The following NEURL1 variants were observed in gnomAD, a reference collection of about 807,000 sequenced individuals.
NEURL1 encodes neuralized E3 ubiquitin protein ligase 1.
In NEURL1, 26 loss-of-function variants were observed where a neutral mutation model predicts 41.2. The ratio of observed to expected loss-of-function variants is 0.63; its 90% CI spans 0.46 to 0.87. The LOEUF is 0.87. Ranked by LOEUF, NEURL1 falls within the 40% of genes least tolerant of loss-of-function variation. NEURL1 has a pLI of 0.00. For missense variants in NEURL1, 761 were observed against 871.1 expected (o/e 0.87, Z 1.59); for synonymous variants, 400 against 402.3 (o/e 0.99, Z 0.07).
At chr10:103,531,567 T>C (rs962253478) in intron 1 of NEURL1, among the ~76,000 whole-genome samples, 2 of 152,030 alleles carry the variant, frequency 1.3e-5, no homozygotes, top group Non-Finnish European at 2.9e-5. Flanking sequence ...GGGTCTCACT[T>C]TATTGCCCAG....
chr10:103,494,318 A>G lies in NEURL1; in HGVS notation c.-70A>G. 3.7e-6 allele frequency: 5 copies of G among 1,366,128 alleles called. 1 individual carries two copies. In the South Asian group the frequency reaches 6.3e-5, roughly 17 times the overall value. The allele number at this position is 1,366,128 out of a possible 1,614,324, so 84.6% of individuals were successfully genotyped here. A position where few individuals can be genotyped will look rare whatever the true frequency, so the allele number is the denominator to read the frequency against. On this transcript the variant is annotated 5_prime_UTR_variant, in exon 1 of 6. Coordinates refer to ENST00000369780, the MANE Select transcript of NEURL1 (RefSeq NM_004210.5). The stretch of plus-strand genomic sequence containing the variant: ...CGCGCACCCGCGCGCGCACACTCGC[A>G]CACCGCACCTCAGCGCCTGCCCGGC...
intron 1 of NEURL1, among the ~76,000 whole-genome samples, chr10:103,495,749 A>C (rs777449800): frequency 6.6e-6 from 1 of 152,214 alleles, no homozygotes; most frequent in Non-Finnish European, 1.5e-5. Flanking sequence ...GCTCAGGAAA[A>C]TCAGTGGATT....
chr10:103,500,400 A>C (rs1013489000), intron 1 of NEURL1, among the ~76,000 whole-genome samples: 8 of 152,216 alleles, frequency 5.3e-5, no homozygotes, highest in Non-Finnish European at 1.2e-4. Flanking sequence ...ACACAGTTAG[A>C]AACTGATGGG....
chr10:103,584,584 C>T lies in NEURL1; in HGVS notation c.698C>T (p.Ala233Val), dbSNP rs1410385456. The change falls in exon 4 of 6, where the codon GCC becomes GTC. Residue 233 changes from alanine (A) to valine (V), a missense_variant. Around this residue, in one of 5 missense-constraint regions of NEURL1, gnomAD observed 114 missense variants for 144.8 expected, o/e 0.79. Coordinates refer to ENST00000369780, the MANE Select transcript of NEURL1 (RefSeq NM_004210.5). The part of the protein sequence containing the change: ...PDCLRPRSFT[A>V]LRRPSLRREA... ...TGTCTGCGGCCGCGCTCCTTCACCG[C>T]CCTGCGGCGGCCGTCGCTGCGGCGC... 2 of 1,417,218 alleles carry T rather than the reference C, an allele frequency of 1.4e-6. No homozygotes were observed. Among genetic ancestry groups the T allele is most frequent in the African/African-American group, 3.0e-5 (2 of 66,326 alleles). 87.8% of individuals were successfully genotyped at this position (1,417,218 alleles called of 1,614,324 possible). A position where few individuals can be genotyped will look rare whatever the true frequency, so the allele number is the denominator to read the frequency against.
At chr10:103,504,582 A>G (rs912536928) in intron 1 of NEURL1, among the ~76,000 whole-genome samples, 1 of 152,162 alleles carries the variant, frequency 6.6e-6, no homozygotes, top group Non-Finnish European at 1.5e-5. Context: ...AGTGCTTGTC[A>G]GGTCTCTCCA....
intron 1 of NEURL1, among the ~76,000 whole-genome samples, chr10:103,504,606 G>C (rs1436097684): frequency 2.6e-5 from 4 of 152,178 alleles, no homozygotes; most frequent in Non-Finnish European, 4.4e-5. Context: ...TGCAGTTAAA[G>C]TTACACTTTC....
Position 103,590,766 on chromosome 10 carries a change from G to A in NEURL1, c.*394G>A. On this transcript the variant is annotated 3_prime_UTR_variant, in exon 6 of 6. Transcript: ENST00000369780. ...AATTAGAAAACATGTACCTTCCTCT[G>A]GGCAGCTGCAGCCCTGAGCCAGGAC... is the stretch of plus-strand genomic sequence containing the variant. 3.9e-6 allele frequency: 1 copy of A among 255,622 alleles called. No individual in the cohort carries two copies. Among genetic ancestry groups the A allele is most frequent in the Non-Finnish European group, 7.7e-6 (1 of 130,692 alleles). The allele number at this position is 255,622 out of a possible 1,614,324, so 15.8% of individuals were successfully genotyped here. A position where few individuals can be genotyped will look rare whatever the true frequency, so the allele number is the denominator to read the frequency against.
chr10:103,533,178 T>C lies in NEURL1; in HGVS notation c.86-37694T>C, dbSNP rs546621715. On this transcript the variant is annotated intron_variant, in intron 1 of 5. Coordinates refer to ENST00000369780, the MANE Select transcript of NEURL1 (RefSeq NM_004210.5). The stretch of plus-strand genomic sequence containing the variant: ...TCCTGACCTCATGATCCACCCGCCT[T>C]GGCCTCTCAAGGTGCTGGGATTACA... 5.3e-5 allele frequency among the ~76,000 whole-genome samples: 8 copies of C among 152,038 alleles called. No homozygotes were observed. In the East Asian group the frequency reaches 1.5e-3, roughly 29 times the overall value.
chr10:103,563,240 C>A (rs1268119562), intron 1 of NEURL1, among the ~76,000 whole-genome samples: 1 of 152,118 alleles, frequency 6.6e-6, no homozygotes, highest in African/African-American at 2.4e-5. Flanking sequence ...TTAAAGTTTG[C>A]AAAATTCTTT....
intron 1 of NEURL1, among the ~76,000 whole-genome samples, chr10:103,498,430 G>A (rs1004652319): frequency 1.4e-4 from 22 of 152,098 alleles, no homozygotes; most frequent in African/African-American, 5.3e-4. Flanking sequence ...GTTTCACCGT[G>A]TTAGCCAGGA....
At chr10:103,543,038 G>A (rs1320911473) in intron 1 of NEURL1, among the ~76,000 whole-genome samples, 1 of 152,188 alleles carries the variant, frequency 6.6e-6, no homozygotes, top group African/African-American at 2.4e-5. Flanking sequence ...CTTGGAAGGC[G>A]TGGGTTTGAA....
intron 1 of NEURL1, among the ~76,000 whole-genome samples, chr10:103,535,314 G>C (rs1277104589): frequency 6.6e-6 from 1 of 152,104 alleles, no homozygotes; most frequent in Non-Finnish European, 1.5e-5. Flanking sequence ...AGAGTACTAG[G>C]GTTGTTTGGC....
chr10:103,584,515 T>G, intron 3 of NEURL1, 21 bp from the exon 4 acceptor site: 1 of 1,329,328 alleles, frequency 7.5e-7, no homozygotes, highest in Admixed American at 4.0e-5. Flanking sequence ...TGCGTGACAC[T>G]GCCCCGTGTC....
intron 1 of NEURL1, among the ~76,000 whole-genome samples, chr10:103,505,698 G>A (rs2033930675): frequency 6.6e-6 from 1 of 150,838 alleles, no homozygotes; most frequent in South Asian, 2.2e-4. Context: ...AAGCACCCTA[G>A]ACGGGGCAGT....
chr10:103,506,828 G>GCT (rs2033959231), intron 1 of NEURL1, among the ~76,000 whole-genome samples: 1 of 151,938 alleles, frequency 6.6e-6, no homozygotes, highest in African/African-American at 2.4e-5. Flanking sequence ...CCAAAGTACG[G>GCT]GGGATTACAG....
intron 1 of NEURL1, among the ~76,000 whole-genome samples, chr10:103,519,619 A>T (rs1375517619): frequency 1.3e-5 from 2 of 152,086 alleles, no homozygotes; most frequent in Non-Finnish European, 2.9e-5. Flanking sequence ...CCCTCCATAG[A>T]GATTAAGGAA....
At chr10:103,519,706 A>AT (rs1301412560) in intron 1 of NEURL1, among the ~76,000 whole-genome samples, 1 of 151,508 alleles carries the variant, frequency 6.6e-6, no homozygotes, top group Non-Finnish European at 1.5e-5. Flanking sequence ...TGGACATCAC[A>AT]TTACACCATC....
chr10:103,585,272 G>T (rs535076112), intron 4 of NEURL1, 47 bp downstream of exon 4: 6 of 1,414,924 alleles, frequency 4.2e-6, no homozygotes, highest in Admixed American at 5.2e-5. Context: ...CCTGGAGGCG[G>T]GGACGATCCG....
At chr10:103,498,679 A>G (rs1162976503) in intron 1 of NEURL1, among the ~76,000 whole-genome samples, 1 of 152,228 alleles carries the variant, frequency 6.6e-6, no homozygotes, top group Non-Finnish European at 1.5e-5. Flanking sequence ...TGCCATGCCC[A>G]TTAAGCAGTC....
Sources: allele counts gnomAD v4.1 joint callset (sites outside exome capture counted in the v4.1 genomes callset), GRCh38; gene constraint gnomAD v4.1.1; regional missense constraint gnomAD v4.1.1; transcripts MANE v1.5; gene names NCBI Gene and HGNC (gene_info 2026-07-23, HGNC 2026-07-21).